The following VAC14 variants were observed in gnomAD, a reference collection of about 807,000 sequenced individuals.
VAC14 encodes protein VAC14 homolog.
A neutral mutation model predicts 85.3 loss-of-function variants in VAC14; 47 were observed. The ratio of observed to expected loss-of-function variants is 0.55; its 90% CI spans 0.44 to 0.70. VAC14 has a LOEUF of 0.70. Among genes scored for constraint, VAC14 ranks in the 30% least tolerant of loss-of-function variants. The probability of loss-of-function intolerance (pLI) is 0.00; values close to 1 mark genes in which losing one functional copy is unlikely to be tolerated. For missense variants in VAC14, 861 were observed against 1,004.3 expected (o/e 0.86, Z 1.93); for synonymous variants, 447 against 430.5 (o/e 1.04, Z -0.47).
chr16:70,724,259 G>T (rs910136141), intron 14 of VAC14, among the ~76,000 whole-genome samples: 1 of 152,180 alleles, frequency 6.6e-6, no homozygotes. Flanking sequence ...TTGTTACAGG[G>T]AGTGCCAGTG....
At chr16:70,747,245 C>A (rs1385622699) in intron 12 of VAC14, 2 of 152,050 alleles carry the variant, frequency 1.3e-5, no homozygotes, top group African/African-American at 4.8e-5. Context: ...ATGATGACTC[C>A]ATTAACAGGC....
At chr16:70,717,999 T>C (rs1264910873) in intron 14 of VAC14, among the ~76,000 whole-genome samples, 2 of 152,176 alleles carry the variant, frequency 1.3e-5, no homozygotes, top group African/African-American at 4.8e-5. Flanking sequence ...CTTACTCTTC[T>C]CTAGAAACAG....
chr16:70,706,361 C>A (rs1216653418), intron 14 of VAC14, among the ~76,000 whole-genome samples: 1 of 152,232 alleles, frequency 6.6e-6, no homozygotes, highest in Non-Finnish European at 1.5e-5. Flanking sequence ...ACTGGGCAAA[C>A]CAGCAGGAGG....
At chr16:70,689,956 C>A in intron 18 of VAC14, 2 of 985,536 alleles carry the variant, frequency 2.0e-6, no homozygotes, top group Non-Finnish European at 2.4e-6. Context: ...TAGGCCAAGG[C>A]CACAGGTGTG....
In VAC14 at chr16:70,692,848, A is replaced by G. The variant is rs2053625498; in HGVS notation, c.2159T>C (p.Val720Ala). ...GGTCTGCAGCAGCTCAGGGTTGGGCACGCACTGGAGCCGGTGCGAGAGCAG... is the reference window on the plus strand; with the variant it reads ...GGTCTGCAGCAGCTCAGGGTTGGGCGCGCACTGGAGCCGGTGCGAGAGCAG... ...FQLLSHRLQC[V>A]PNPELLQTED... The change falls in exon 18 of 19, where the codon GTG becomes GCG. Residue 720 changes from valine (V) to alanine (A), a missense_variant. By Grantham distance (64) the Val-to-Ala change is moderately conservative. Coordinates refer to ENST00000261776, the MANE Select transcript of VAC14 (RefSeq NM_018052.5). 6.2e-7 allele frequency: 1 copy of G among 1,602,618 alleles called. No homozygotes were observed. The highest frequency in any genetic ancestry group is 8.5e-7 in the Non-Finnish European group (1 of 1,176,526).
At chr16:70,793,165 C>T (rs975220522) in intron 1 of VAC14, among the ~76,000 whole-genome samples, 1 of 152,220 alleles carries the variant, frequency 6.6e-6, no homozygotes, top group Non-Finnish European at 1.5e-5. Flanking sequence ...AGTGCTCGGT[C>T]ATCGCCAAGG....
At chr16:70,752,932 C>G (rs1026176809) in intron 12 of VAC14, among the ~76,000 whole-genome samples, 2 of 151,768 alleles carry the variant, frequency 1.3e-5, no homozygotes, top group Non-Finnish European at 2.9e-5. Context: ...GGGATTAGAG[C>G]TAGGAGAGGG....
intron 9 of VAC14, among the ~76,000 whole-genome samples, chr16:70,780,392 C>T (rs1009821085): frequency 6.6e-6 from 1 of 152,108 alleles, no homozygotes; most frequent in Non-Finnish European, 1.5e-5. Flanking sequence ...AATCAAGTGC[C>T]CCCTGAATCC....
intron 14 of VAC14, among the ~76,000 whole-genome samples, chr16:70,727,536 C>T (rs984755041): frequency 9.9e-5 from 15 of 152,266 alleles, no homozygotes; most frequent in Admixed American, 2.0e-4. Flanking sequence ...AACGGGGTTT[C>T]GCTATGTTGG....
At chr16:70,763,049 A>G (rs1391029353) in intron 10 of VAC14, 24 bp from the exon 11 acceptor site, 4 of 1,613,844 alleles carry the variant, frequency 2.5e-6, no homozygotes, top group Non-Finnish European at 2.5e-6. Context: ...CGGGAGGGAG[A>G]GCAGAGGTGA....
In VAC14 at chr16:70,726,289, C is replaced by T. The variant is rs558381647; in HGVS notation, c.1661+5206G>A. 8.5e-5 allele frequency among the ~76,000 whole-genome samples: 13 copies of T among 152,330 alleles called. No homozygotes were observed. In the East Asian group the frequency reaches 1.2e-3, roughly 14 times the overall value. On this transcript the variant is annotated intron_variant, in intron 14 of 18. Transcript: ENST00000261776. ...CCTACTCCGGGCAGAGTTGTTTTAG[C>T]GGAGCCGGGCCGGGCCGCTGGTGGG...
At chr16:70,737,345 C>A (rs2054790312) in intron 13 of VAC14, among the ~76,000 whole-genome samples, 1 of 152,184 alleles carries the variant, frequency 6.6e-6, no homozygotes. Flanking sequence ...TGAGGCACAG[C>A]CCCCTGTAGA....
chr16:70,766,165 A>G (rs1020800335), intron 10 of VAC14, among the ~76,000 whole-genome samples: 4 of 151,704 alleles, frequency 2.6e-5, no homozygotes, highest in African/African-American at 9.7e-5. Context: ...AGAAAAAAAA[A>G]AAAAAAAGAA....
intron 10 of VAC14, chr16:70,771,845 T>C: frequency 2.4e-6 from 1 of 415,532 alleles, no homozygotes; most frequent in Non-Finnish European, 4.3e-6. Context: ...CCTCCCCAAG[T>C]GCTGGGATTA....
intron 18 of VAC14, chr16:70,689,590 C>G (rs2053561357): frequency 5.1e-6 from 5 of 985,572 alleles, no homozygotes; most frequent in African/African-American, 1.7e-5. Context: ...CTGCCCACAC[C>G]TGTTCCCTTC....
chr16:70,735,083 A>G (rs1476625304), intron 13 of VAC14, among the ~76,000 whole-genome samples: 1 of 152,192 alleles, frequency 6.6e-6, no homozygotes, highest in Non-Finnish European at 1.5e-5. Flanking sequence ...GGTCCTGCCA[A>G]GCTGAGACTG....
intron 13 of VAC14, among the ~76,000 whole-genome samples, chr16:70,736,215 G>C (rs1031519035): frequency 6.6e-6 from 1 of 152,192 alleles, no homozygotes; most frequent in Non-Finnish European, 1.5e-5. Context: ...AGTGCAGTAA[G>C]AGCCCCTATT....
chr16:70,801,058 C>T lies in VAC14; in HGVS notation c.-158G>A. The T allele has an allele frequency of 2.0e-6, 1 of 497,538 alleles. No individual in the cohort carries two copies. The highest frequency in any genetic ancestry group is 3.4e-6 in the Non-Finnish European group (1 of 290,660). The allele number at this position is 497,538 out of a possible 1,614,324, so 30.8% of individuals were successfully genotyped here. A position where few individuals can be genotyped will look rare whatever the true frequency, so the allele number is the denominator to read the frequency against. ...ACGCTCCGCCGCCTCGCCCTGGAAC[C>T]CGGGCCCGGACCCCGCTCCAGCACA... On this transcript the variant is annotated 5_prime_UTR_variant, in exon 1 of 19. Coordinates refer to ENST00000261776, the MANE Select transcript of VAC14 (RefSeq NM_018052.5).
chr16:70,724,731 C>T (rs1004329214), intron 14 of VAC14, among the ~76,000 whole-genome samples: 8 of 152,204 alleles, frequency 5.3e-5, no homozygotes, highest in African/African-American at 1.9e-4. Context: ...TGGAAAGCTC[C>T]AGAAGATTCA....
Sources: gnomAD v4.1 joint callset for allele counts (sites outside exome capture counted in the v4.1 genomes callset) on GRCh38, gnomAD v4.1.1 for gene constraint, MANE v1.5 for transcripts, NCBI Gene and HGNC (gene_info 2026-07-23, HGNC 2026-07-21) for gene names.